The following SORCS1 variants were observed in gnomAD, a reference collection of about 807,000 sequenced individuals.
SORCS1 encodes the protein sortilin related VPS10 domain containing receptor 1, also known as VPS10 domain-containing receptor SorCS1.
A neutral mutation model predicts 146.1 loss-of-function variants in SORCS1; 60 were observed. The ratio of observed to expected loss-of-function variants is 0.41; its 90% CI spans 0.33 to 0.51. The LOEUF is 0.51. Ranked by LOEUF, SORCS1 falls within the 20% of genes least tolerant of loss-of-function variation. SORCS1 has a pLI of 0.21. For missense variants in SORCS1, 1,352 were observed against 1,487.6 expected, an observed-to-expected ratio of 0.91 and a Z score of 1.50; for synonymous variants, 637 against 584.0, an observed-to-expected ratio of 1.09 and a Z score of -1.31.
intron 5 of SORCS1, among the ~76,000 whole-genome samples, chr10:106,751,156 AAAG>A (rs909826349): frequency 1.3e-5 from 2 of 151,898 alleles, no homozygotes; most frequent in African/African-American, 2.4e-5. Flanking sequence ...AACAATAAAA[AAAG>A]AAGAAGAAAT....
chr10:106,874,293 CAAGTCA>C (rs1167617487), intron 2 of SORCS1, among the ~76,000 whole-genome samples: 4 of 152,088 alleles, frequency 2.6e-5, no homozygotes, highest in African/African-American at 9.7e-5. Context: ...AAGTCACTTA[CAAGTCA>C]AAGAAAACAA....
intron 23 of SORCS1, among the ~76,000 whole-genome samples, chr10:106,606,272 T>TACACACACACACACACACACAC: frequency 9.3e-6 from 1 of 107,752 alleles, no homozygotes; most frequent in Non-Finnish European, 2.1e-5. Flanking sequence ...CACACACAGA[T>TACACACACACACACACACACAC]ATACACACAC....
chr10:106,651,752 G>A (rs1482574570), intron 18 of SORCS1, among the ~76,000 whole-genome samples: 1 of 152,180 alleles, frequency 6.6e-6, no homozygotes, highest in Non-Finnish European at 1.5e-5. Flanking sequence ...CAAGATGACA[G>A]AATTCCTGTG....
chr10:106,681,733 A>G (rs1328052842), intron 10 of SORCS1, among the ~76,000 whole-genome samples: 1 of 152,134 alleles, frequency 6.6e-6, no homozygotes, highest in Non-Finnish European at 1.5e-5. Flanking sequence ...AGAGCACCCA[A>G]CTTTCAATCT....
At chr10:106,791,749 A>AC (rs1476376859) in intron 3 of SORCS1, among the ~76,000 whole-genome samples, 1 of 152,166 alleles carries the variant, frequency 6.6e-6, no homozygotes, top group Non-Finnish European at 1.5e-5. Flanking sequence ...GATACACACT[A>AC]CCAAGTGTTT....
intron 2 of SORCS1, among the ~76,000 whole-genome samples, chr10:106,869,063 C>A (rs573283295): frequency 6.6e-6 from 1 of 152,236 alleles, no homozygotes; most frequent in Non-Finnish European, 1.5e-5. Flanking sequence ...CTATGAACAC[C>A]TCTATGTATA....
chr10:106,848,838 C>A (rs1949421302), intron 2 of SORCS1, among the ~76,000 whole-genome samples: 1 of 144,042 alleles, frequency 6.9e-6, no homozygotes, highest in South Asian at 2.4e-4. Flanking sequence ...TTCTCCTTCA[C>A]TTATGAAGCT....
chr10:107,144,407 GGCACAT>G (rs1394324900), intron 1 of SORCS1, among the ~76,000 whole-genome samples: 1 of 152,094 alleles, frequency 6.6e-6, no homozygotes, highest in Non-Finnish European at 1.5e-5. Context: ...AAAACTGTTG[GGCACAT>G]GCATCCATAT....
chr10:106,885,303 AG>A (rs1198983128), intron 2 of SORCS1, among the ~76,000 whole-genome samples: 10 of 152,000 alleles, frequency 6.6e-5, no homozygotes, highest in African/African-American at 2.4e-4. Context: ...GGGAACTTGA[AG>A]AAAGGGGAAA....
chr10:106,779,790 C>G (rs1860753048), intron 3 of SORCS1, among the ~76,000 whole-genome samples: 1 of 151,902 alleles, frequency 6.6e-6, no homozygotes, highest in Non-Finnish European at 1.5e-5. Flanking sequence ...GCCCAGCCCC[C>G]CAAATATTCA....
chr10:107,025,472 C>A (rs1958358589), intron 1 of SORCS1, among the ~76,000 whole-genome samples: 1 of 152,104 alleles, frequency 6.6e-6, no homozygotes, highest in African/African-American at 2.4e-5. Context: ...AATAAACTAT[C>A]CTGGAAGCTA....
intron 1 of SORCS1, among the ~76,000 whole-genome samples, chr10:107,159,817 T>C (rs1189713149): frequency 6.6e-6 from 1 of 152,010 alleles, no homozygotes; most frequent in Non-Finnish European, 1.5e-5. Flanking sequence ...ATCATTTTAC[T>C]TTTTAAAAGG....
At position 106,777,599 on chromosome 10, in the gene SORCS1, C is replaced by T. The variant is rs140832348; in HGVS notation, c.727-907G>A. Among the ~76,000 whole-genome samples, 899 of 152,264 alleles carry T rather than the reference C, an allele frequency of 5.9e-3. 9 individuals carry two copies. The highest frequency in any genetic ancestry group is 0.02 in the African/African-American group (844 of 41,542). On this transcript the variant is annotated intron_variant, in intron 3 of 25. Coordinates refer to ENST00000263054, the MANE Select transcript of SORCS1 (RefSeq NM_052918.5). ...TGCACCACAGAAGAAGCTATAAATACGTAAAAATTCACAGCTTCAGACGTT... is the reference window on the plus strand; with the variant it reads ...TGCACCACAGAAGAAGCTATAAATATGTAAAAATTCACAGCTTCAGACGTT...
Position 106,750,830 on chromosome 10 carries a change from C to T in SORCS1, c.959+10758G>A, listed in dbSNP as rs1858138853. 5.6e-5 allele frequency among the ~76,000 whole-genome samples: 8 copies of T among 143,434 alleles called. No individual in the cohort carries two copies. The South Asian group carries it at 1.8e-3, about 32-fold the overall frequency. The allele number at this position is 143,434 out of a possible 152,430, so 94.1% of individuals were successfully genotyped here. A position where few individuals can be genotyped will look rare whatever the true frequency, so the allele number is the denominator to read the frequency against. ...ATCCCAGCACTTTGGGAGGCCGAGG[C>T]GGGCGGATCACGAGGTCAAGAGATG... On this transcript the variant is annotated intron_variant, in intron 5 of 25. Transcript: ENST00000263054.
At chr10:106,715,053 G>C (rs935997820) in intron 6 of SORCS1, among the ~76,000 whole-genome samples, 4 of 152,188 alleles carry the variant, frequency 2.6e-5, no homozygotes, top group Non-Finnish European at 5.9e-5. Flanking sequence ...TTCCTGGTTT[G>C]TTCCCTTTCT....
chr10:107,156,111 A>AC lies in SORCS1; in HGVS notation c.558+7857dup, dbSNP rs1015620423. 9.0e-4 allele frequency among the ~76,000 whole-genome samples: 137 copies of AC among 151,712 alleles called. 1 individual carries two copies. Among genetic ancestry groups the AC allele is most frequent in the African/African-American group, 3.1e-3 (128 of 41,326 alleles). On this transcript the variant is annotated intron_variant, in intron 1 of 25. Coordinates refer to ENST00000263054, the MANE Select transcript of SORCS1 (RefSeq NM_052918.5). ...GACAATGGGGTGAAGTGAAAGGAAG[A>AC]CCCCCCAAGATATGTCATTCATATA...
intron 1 of SORCS1, among the ~76,000 whole-genome samples, chr10:107,106,953 A>C (rs1668146317): frequency 6.6e-6 from 1 of 152,244 alleles, no homozygotes; most frequent in Non-Finnish European, 1.5e-5. Context: ...CTACTAGTGA[A>C]GTGATTTGGG....
intron 1 of SORCS1, among the ~76,000 whole-genome samples, chr10:106,987,418 T>G (rs973261032): frequency 8.5e-5 from 13 of 152,222 alleles, no homozygotes; most frequent in Non-Finnish European, 1.8e-4. Flanking sequence ...TCAGCAAGTA[T>G]TTCACTCAGA....
At chr10:106,852,994 C>T (rs1949650910) in intron 2 of SORCS1, among the ~76,000 whole-genome samples, 1 of 152,102 alleles carries the variant, frequency 6.6e-6, no homozygotes, top group Admixed American at 6.5e-5. Flanking sequence ...ATGAAATGAG[C>T]TGAGAAGTAT....
Sources: gnomAD v4.1 joint callset for allele counts (sites outside exome capture counted in the v4.1 genomes callset) on GRCh38, gnomAD v4.1.1 for gene constraint, MANE v1.5 for transcripts, NCBI Gene and HGNC (gene_info 2026-07-23, HGNC 2026-07-21) for gene names.